The following PDE8A variants were observed in gnomAD, a reference collection of about 807,000 sequenced individuals.
PDE8A encodes the protein phosphodiesterase 8A.
A neutral mutation model predicts 105.0 loss-of-function variants in PDE8A; 59 were observed. That is an observed-to-expected ratio of 0.56 (90% CI 0.46 to 0.70). The LOEUF (loss-of-function observed/expected upper bound fraction) is 0.70. Ranked by LOEUF, PDE8A falls within the 30% of genes least tolerant of loss-of-function variation. The probability of loss-of-function intolerance (pLI) is 0.00; values close to 1 mark genes in which losing one functional copy is unlikely to be tolerated. For missense variants in PDE8A, 1,014 were observed against 1,045.9 expected (o/e 0.97, Z 0.42); for synonymous variants, 355 against 371.9 (o/e 0.95, Z 0.52).
At chr15:85,095,680 A>T (rs1030114428) in intron 8 of PDE8A, among the ~76,000 whole-genome samples, 1 of 151,516 alleles carries the variant, frequency 6.6e-6, no homozygotes, top group African/African-American at 2.4e-5. Context: ...GTAAGTAAAT[A>T]TTTTTTGTTT....
Position 85,115,454 on chromosome 15 carries a change from C to CT in PDE8A, c.1367dup (p.Ser457IlefsTer4). On this transcript the variant is annotated frameshift_variant, in exon 15 of 22. Coordinates refer to ENST00000394553, the MANE Select transcript of PDE8A (RefSeq NM_002605.3). LOFTEE classifies it high-confidence loss of function. ...TTTTTATCAGGATGGTTTGCGAAGA[C>CT]TATCAGGGAATGAATATGTTCTTTC... 6.5e-7 allele frequency: 1 copy of CT among 1,542,588 alleles called. No individual in the cohort carries two copies. The highest frequency in any genetic ancestry group is 8.7e-7 in the Non-Finnish European group (1 of 1,144,824).
Position 85,057,831 on chromosome 15 carries a change from TG to T in PDE8A, c.187-6538del, listed in dbSNP as rs199932809. On this transcript the variant is annotated intron_variant, in intron 1 of 21. Transcript: ENST00000394553. ...TTTTGTCCTTTATTCTGTACAATAA[TG>T]TATTACACTGATCAATTTTCATATG... is the stretch of plus-strand genomic sequence containing the variant. 5.4e-3 allele frequency among the ~76,000 whole-genome samples: 815 copies of T among 152,318 alleles called. 7 individuals carry two copies. Among genetic ancestry groups the T allele is most frequent in the Admixed American group, 0.015 (228 of 15,292 alleles).
intron 1 of PDE8A, among the ~76,000 whole-genome samples, chr15:85,052,452 G>A (rs1225512633): frequency 6.6e-6 from 1 of 152,176 alleles, no homozygotes; most frequent in Admixed American, 6.5e-5. Flanking sequence ...GTGTAAAAGT[G>A]TTCCTATTTC....
chr15:85,031,012 T>C (rs2080606463), intron 1 of PDE8A, among the ~76,000 whole-genome samples: 1 of 152,390 alleles, frequency 6.6e-6, no homozygotes. Context: ...AGTATACGTT[T>C]AGCGCATAAA....
chr15:85,125,240 C>T (rs985428517), intron 19 of PDE8A, among the ~76,000 whole-genome samples: 1 of 152,180 alleles, frequency 6.6e-6, no homozygotes. Flanking sequence ...CTGGGACCAT[C>T]AGGGCTTCTT....
At chr15:84,990,058 G>A (rs753736985) in intron 1 of PDE8A, among the ~76,000 whole-genome samples, 6 of 152,010 alleles carry the variant, frequency 3.9e-5, no homozygotes, top group Non-Finnish European at 7.4e-5. Flanking sequence ...GTACTAGAGC[G>A]CAAAATTTGA....
intron 1 of PDE8A, among the ~76,000 whole-genome samples, chr15:85,058,943 T>G (rs1464537798): frequency 2.6e-5 from 4 of 152,158 alleles, no homozygotes; most frequent in Non-Finnish European, 5.9e-5. Context: ...TGGGTTTAGT[T>G]TTCTCTTTTT....
chr15:84,998,929 A>G (rs572257086), intron 1 of PDE8A, among the ~76,000 whole-genome samples: 14 of 152,182 alleles, frequency 9.2e-5, no homozygotes, highest in Admixed American at 3.3e-4. Context: ...CTCGTTTTCA[A>G]TATTGCTAAA....
intron 1 of PDE8A, among the ~76,000 whole-genome samples, chr15:85,061,154 T>C (rs1370054956): frequency 6.6e-6 from 1 of 152,150 alleles, no homozygotes; most frequent in Non-Finnish European, 1.5e-5. Flanking sequence ...GAGAGATCTA[T>C]TGATAATCTT....
upstream of PDE8A, chr15:84,981,824 C>G (rs2142128971): frequency 6.1e-6 from 1 of 164,382 alleles, no homozygotes; most frequent in South Asian, 1.7e-4. Context: ...GTAAGGAGAG[C>G]GCAAATCTCC....
chr15:84,986,101 C>G (rs899332707), intron 1 of PDE8A, among the ~76,000 whole-genome samples: 1 of 152,244 alleles, frequency 6.6e-6, no homozygotes, highest in South Asian at 2.1e-4. Context: ...GCACCGCACA[C>G]CTTTAGTCCC....
intron 8 of PDE8A, among the ~76,000 whole-genome samples, chr15:85,094,593 T>C (rs2081709177): frequency 6.6e-6 from 1 of 152,218 alleles, no homozygotes; most frequent in Non-Finnish European, 1.5e-5. Flanking sequence ...ACCCAATCTC[T>C]CTTCCAAATC....
At chr15:85,132,658 G>A (rs933349701) in intron 20 of PDE8A, among the ~76,000 whole-genome samples, 31 of 152,090 alleles carry the variant, frequency 2.0e-4, no homozygotes, top group Admixed American at 1.8e-3. Context: ...TAGAGATGAG[G>A]TTTCGCCAGG....
chr15:85,128,426 G>A (rs1441281817), intron 20 of PDE8A, among the ~76,000 whole-genome samples: 3 of 152,160 alleles, frequency 2.0e-5, no homozygotes, highest in African/African-American at 7.2e-5. Flanking sequence ...GAGCCTCAGA[G>A]GTTGAGGCTG....
At chr15:85,069,324 C>T (rs942986555) in intron 3 of PDE8A, among the ~76,000 whole-genome samples, 1 of 152,198 alleles carries the variant, frequency 6.6e-6, no homozygotes, top group African/African-American at 2.4e-5. Context: ...TCCATCCAGC[C>T]TCTCCTCAGG....
intron 9 of PDE8A, among the ~76,000 whole-genome samples, chr15:85,098,272 C>G (rs866681026): frequency 1.2e-4 from 18 of 152,166 alleles, no homozygotes; most frequent in African/African-American, 4.1e-4. Context: ...TGCGTGGATA[C>G]ACAAGAAACT....
rs1008405070 is a variant in PDE8A at position 85,083,566 on chromosome 15, A to G, written c.557A>G (p.Glu186Gly). 1 of 1,610,106 alleles carries G rather than the reference A, an allele frequency of 6.2e-7. No homozygotes were observed. Among genetic ancestry groups the G allele is most frequent in the African/African-American group, 1.3e-5 (1 of 74,960 alleles). ...TCTTTCTGTTTGTAGAGGTATGTAG[A>G]AAACCCCAACATCATGGCCTGCTAC... is the stretch of plus-strand genomic sequence containing the variant. The part of the protein sequence containing the change: ...ISAGFTRRYV[E>G]NPNIMACYNE... The change falls in exon 6 of 22, where the codon GAA becomes GGA. Residue 186 changes from glutamate to glycine, a missense_variant. Glu to Gly is a moderately conservative substitution (Grantham distance 98). Transcript: ENST00000394553.
chr15:85,001,853 T>C (rs963214556), intron 1 of PDE8A, among the ~76,000 whole-genome samples: 8 of 152,246 alleles, frequency 5.3e-5, no homozygotes, highest in African/African-American at 1.9e-4. Context: ...AAAGCTGTCA[T>C]GTATTGACTG....
chr15:85,059,988 A>C (rs1023892584), intron 1 of PDE8A, among the ~76,000 whole-genome samples: 1 of 152,188 alleles, frequency 6.6e-6, no homozygotes, highest in African/African-American at 2.4e-5. Context: ...AGCCTGGGTG[A>C]TAGAGCAGGA....
Sources: gnomAD v4.1 joint callset for allele counts (sites outside exome capture counted in the v4.1 genomes callset) on GRCh38, gnomAD v4.1.1 for gene constraint, MANE v1.5 for transcripts, NCBI Gene and HGNC (gene_info 2026-07-23, HGNC 2026-07-21) for gene names.